The following UBE3C variants were observed in gnomAD, a reference collection of about 807,000 sequenced individuals.
The protein encoded by UBE3C is ubiquitin protein ligase E3C.
Under a neutral mutation model 129.4 loss-of-function variants are expected in UBE3C, and 42 were observed. The ratio of observed to expected loss-of-function variants is 0.32; its 90% CI spans 0.25 to 0.42. The LOEUF is 0.42. UBE3C is among the 10% of genes least tolerant of loss of function. UBE3C has a pLI of 1.00. For synonymous variants in UBE3C, 510 were observed against 492.4 expected, an observed-to-expected ratio of 1.04 and a Z score of -0.47; for missense variants, 1,049 against 1,319.1, an observed-to-expected ratio of 0.80 and a Z score of 3.17.
chr7:157,226,212 C>G (rs953147971), intron 17 of UBE3C, among the ~76,000 whole-genome samples: 1 of 152,006 alleles, frequency 6.6e-6, no homozygotes, highest in African/African-American at 2.4e-5. Flanking sequence ...CCAAATTAAA[C>G]ATATTAAAAT....
At chr7:157,215,516 A>G (rs1408926800) in intron 13 of UBE3C, among the ~76,000 whole-genome samples, 3 of 148,098 alleles carry the variant, frequency 2.0e-5, no homozygotes, top group Admixed American at 1.4e-4. Context: ...TATACAATTT[A>G]TAACTATAAT....
At chr7:157,145,412 G>C (rs543171185) in intron 1 of UBE3C, among the ~76,000 whole-genome samples, 2 of 152,316 alleles carry the variant, frequency 1.3e-5, no homozygotes, top group African/African-American at 4.8e-5. Context: ...CAGCTACTCA[G>C]GAGGCTGAGG....
intron 14 of UBE3C, among the ~76,000 whole-genome samples, chr7:157,218,791 G>T (rs1010049411): frequency 2.0e-5 from 3 of 152,110 alleles, no homozygotes; most frequent in Admixed American, 1.3e-4. Flanking sequence ...GGGAGACAGG[G>T]TTAGGAGCCT....
chr7:157,153,348 G>A (rs1807811165), intron 1 of UBE3C, among the ~76,000 whole-genome samples: 1 of 151,920 alleles, frequency 6.6e-6, no homozygotes, highest in Admixed American at 6.6e-5. Context: ...TTTAGAAAGT[G>A]TAACCTTGAA....
intron 2 of UBE3C, among the ~76,000 whole-genome samples, chr7:157,165,068 C>G (rs893634985): frequency 2.6e-5 from 4 of 152,188 alleles, no homozygotes; most frequent in African/African-American, 7.2e-5. Context: ...TCCGTTACCT[C>G]AGTTGTGACA....
At chr7:157,159,639 G>A (rs1321222715) in intron 1 of UBE3C, among the ~76,000 whole-genome samples, 1 of 152,156 alleles carries the variant, frequency 6.6e-6, no homozygotes, top group South Asian at 2.1e-4. Context: ...AGGCTGAGAC[G>A]GGTGGATCAC....
At chr7:157,176,605 A>T (rs1808525683) in intron 5 of UBE3C, among the ~76,000 whole-genome samples, 1 of 151,936 alleles carries the variant, frequency 6.6e-6, no homozygotes, top group African/African-American at 2.4e-5. Context: ...ACAAGAAAAC[A>T]CTCCTCCTCA....
intron 10 of UBE3C, chr7:157,198,277 G>A: frequency 2.0e-6 from 2 of 1,006,654 alleles, no homozygotes; most frequent in Non-Finnish European, 3.2e-6. Context: ...GTGTCCGTGG[G>A]CTCTTGAAGA....
intron 13 of UBE3C, among the ~76,000 whole-genome samples, chr7:157,211,191 A>AGAGAGAGAGAGAGCGC (rs1481725592): frequency 2.6e-5 from 4 of 151,574 alleles, no homozygotes; most frequent in African/African-American, 7.3e-5. Context: ...AGAGAGAGAG[A>AGAGAGAGAGAGAGCGC]GAGCCATACT....
chr7:157,162,177 A>G (rs975521518), intron 1 of UBE3C, among the ~76,000 whole-genome samples: 6 of 152,126 alleles, frequency 3.9e-5, no homozygotes, highest in African/African-American at 1.4e-4. Context: ...CTGATAAAGT[A>G]TATCTCTTAA....
chr7:157,215,376 C>T (rs1307085131), intron 13 of UBE3C, among the ~76,000 whole-genome samples: 3 of 151,278 alleles, frequency 2.0e-5, no homozygotes, highest in African/African-American at 7.3e-5. Flanking sequence ...TATGTAAATG[C>T]TAAATTATGG....
intron 22 of UBE3C, 151 bp from the exon 23 acceptor site, chr7:157,267,434 C>G: frequency 1.0e-6 from 1 of 968,882 alleles, no homozygotes; most frequent in Non-Finnish European, 1.5e-6. Context: ...AGAAAACAAA[C>G]AACAACAACA....
Position 157,253,949 on chromosome 7 carries a change from C to G in UBE3C, c.2695-5C>G. 6.4e-7 allele frequency: 1 copy of G among 1,572,440 alleles called. No homozygotes were observed. Among genetic ancestry groups the G allele is most frequent in the Non-Finnish European group, 8.7e-7 (1 of 1,155,142 alleles). On this transcript the variant is annotated splice_region_variant and splice_polypyrimidine_tract_variant and intron_variant, in intron 19 of 22. Transcript: ENST00000348165. ...TTTTGAGATCCTTACGTTTTGTATT[C>G]CCAGGTAGTTGAACTAAAATTCGGT...
chr7:157,247,784 A>G (rs1309835808), intron 18 of UBE3C, among the ~76,000 whole-genome samples: 1 of 152,114 alleles, frequency 6.6e-6, no homozygotes, highest in Non-Finnish European at 1.5e-5. Flanking sequence ...TCATTGACAC[A>G]TTGTCCATGG....
rs143699018 is a variant in UBE3C at position 157,228,889 on chromosome 7, C to T, written c.2234-2191C>T. Among the ~76,000 whole-genome samples the T allele has an allele frequency of 5.3e-5, 8 of 152,280 alleles. No homozygotes were observed. The East Asian group carries it at 9.6e-4, about 18-fold the overall frequency. Reference sequence around the variant, plus strand: ...TACGGTAACTTCAAAATTACTGACACGTGTACATAGCAATCTAGGGATAGA... The same window carrying T: ...TACGGTAACTTCAAAATTACTGACATGTGTACATAGCAATCTAGGGATAGA... On this transcript the variant is annotated intron_variant, in intron 17 of 22. Transcript: ENST00000348165.
intron 11 of UBE3C, among the ~76,000 whole-genome samples, chr7:157,205,843 C>T (rs1809418578): frequency 2.6e-5 from 4 of 152,150 alleles, no homozygotes; most frequent in Admixed American, 2.6e-4. Context: ...TTCCTTTTCT[C>T]AAAGCGGTTG....
In UBE3C at chr7:157,167,495, G is replaced by A. The variant is rs184672467; in HGVS notation, c.121-1553G>A. On this transcript the variant is annotated intron_variant, in intron 2 of 22. Coordinates refer to ENST00000348165, the MANE Select transcript of UBE3C (RefSeq NM_014671.3). ...TTTAAACTGGAAGTGATGCTCACCT[G>A]TAAGATGACTGTGCATTTGTATATA... Among the ~76,000 whole-genome samples the A allele has an allele frequency of 1.1e-3, 161 of 151,696 alleles. 1 individual carries two copies. The highest frequency in any genetic ancestry group is 3.5e-3 in the African/African-American group (144 of 41,398).
intron 22 of UBE3C, among the ~76,000 whole-genome samples, chr7:157,266,141 C>A (rs924471172): frequency 1.7e-4 from 26 of 152,034 alleles, no homozygotes; most frequent in Admixed American, 1.4e-3. Flanking sequence ...GGTGAAACCC[C>A]GTCTCTACTA....
intron 10 of UBE3C, chr7:157,198,220 AG>A: frequency 1.3e-6 from 2 of 1,482,928 alleles, no homozygotes; most frequent in Non-Finnish European, 1.9e-6. Flanking sequence ...CGCTTACAAA[AG>A]GAATTACCCA....
Sources: allele counts gnomAD v4.1 joint callset (sites outside exome capture counted in the v4.1 genomes callset), GRCh38; gene constraint gnomAD v4.1.1; transcripts MANE v1.5; gene names NCBI Gene and HGNC (gene_info 2026-07-23, HGNC 2026-07-21).